The following PTGR2 variants were observed in gnomAD, a reference collection of about 807,000 sequenced individuals.
PTGR2 encodes 15-oxoprostaglandin 13-reductase.
Under a neutral mutation model 43.4 loss-of-function variants are expected in PTGR2, and 32 were observed. That is an observed-to-expected ratio of 0.74 (90% CI 0.56 to 0.99). The LOEUF is 0.99. Among genes scored for constraint, PTGR2 ranks in the 50% least tolerant of loss-of-function variants. The pLI, the probability that PTGR2 is intolerant of heterozygous loss-of-function variation, is 0.00. For missense variants in PTGR2, 373 were observed against 420.0 expected (o/e 0.89, Z 0.98); for synonymous variants, 106 against 139.2 (o/e 0.76, Z 1.68).
At chr14:73,882,503 T>G in intron 9 of PTGR2, 65 bp downstream of exon 9, 2 of 1,114,824 alleles carry the variant, frequency 1.8e-6, no homozygotes, top group Non-Finnish European at 2.7e-6. Context: ...CTCTTTATTT[T>G]TATTTATTTA....
chr14:73,858,881 G>T lies in PTGR2; in HGVS notation c.19G>T (p.Val7Leu). The T allele has an allele frequency of 6.2e-7, 1 of 1,611,730 alleles. No homozygotes were observed. The stretch of plus-strand genomic sequence containing the variant: ...CAGAGCAATGATTGTTCAAAGAGTG[G>T]TATTGAATTCTCGACCTGGTATGTA... Reference protein sequence around the residue: MIVQRVVLNSRPGKNGN... With the variant: MIVQRVLLNSRPGKNGN... The change falls in exon 2 of 10, where the codon GTA becomes TTA. Residue 7 changes from valine to leucine, a missense_variant. By Grantham distance (32) the Val-to-Leu change is conservative. Coordinates refer to ENST00000555661, the MANE Select transcript of PTGR2 (RefSeq NM_001146154.2).
chr14:73,865,478 G>GTTACCTCTGAT (rs1486160515), intron 3 of PTGR2, among the ~76,000 whole-genome samples: 3 of 152,164 alleles, frequency 2.0e-5, no homozygotes, highest in Non-Finnish European at 4.4e-5. Context: ...TCACCTGCTA[G>GTTACCTCTGAT]TTACCTCTGA....
intron 9 of PTGR2, among the ~76,000 whole-genome samples, chr14:73,882,914 G>A (rs998942295): frequency 1.6e-5 from 2 of 128,922 alleles, no homozygotes; most frequent in East Asian, 2.6e-4. Flanking sequence ...TCCACCTCCC[G>A]AGATCAAGCA....
intron 1 of PTGR2, among the ~76,000 whole-genome samples, chr14:73,857,754 C>T (rs981120007): frequency 3.4e-4 from 48 of 139,886 alleles, no homozygotes; most frequent in Middle Eastern, 4.2e-3. Flanking sequence ...CTGCAAGCTC[C>T]GCCTCCCGGG....
At chr14:73,852,853 T>C (rs1380152416) in intron 1 of PTGR2, among the ~76,000 whole-genome samples, 1 of 151,668 alleles carries the variant, frequency 6.6e-6, no homozygotes, top group Non-Finnish European at 1.5e-5. Flanking sequence ...TGAGACAAAG[T>C]CTCGCTCTGT....
At chr14:73,859,653 T>G (rs2054439439) in intron 2 of PTGR2, among the ~76,000 whole-genome samples, 1 of 152,004 alleles carries the variant, frequency 6.6e-6, no homozygotes, top group Non-Finnish European at 1.5e-5. Context: ...CCTCAAATTT[T>G]TTAATTTTCC....
intron 3 of PTGR2, among the ~76,000 whole-genome samples, chr14:73,870,193 C>CTTTTT (rs34746463): frequency 1.6e-5 from 2 of 127,594 alleles, no homozygotes; most frequent in Non-Finnish European, 3.2e-5. Flanking sequence ...CTTAAGCAAC[C>CTTTTT]TTTTTTTTTT....
intron 3 of PTGR2, among the ~76,000 whole-genome samples, chr14:73,864,260 A>G (rs2054555607): frequency 6.6e-6 from 1 of 152,168 alleles, no homozygotes; most frequent in South Asian, 2.1e-4. Context: ...ACATTTGTGT[A>G]TATGTTTTTG....
intron 6 of PTGR2, chr14:73,879,572 G>A (rs2054935894): frequency 1.3e-5 from 5 of 388,496 alleles, no homozygotes; most frequent in African/African-American, 2.1e-5. Flanking sequence ...AAAAATTACA[G>A]TTGCATTGTT....
intron 3 of PTGR2, among the ~76,000 whole-genome samples, chr14:73,865,707 T>C (rs566116189): frequency 6.6e-6 from 1 of 152,104 alleles, no homozygotes; most frequent in East Asian, 1.9e-4. Context: ...CTTCACTCTT[T>C]TGCAAGTGAA....
intron 4 of PTGR2, among the ~76,000 whole-genome samples, chr14:73,874,802 C>T (rs1020820105): frequency 6.6e-6 from 1 of 152,138 alleles, no homozygotes; most frequent in Non-Finnish European, 1.5e-5. Context: ...GATAAAGTCT[C>T]TCAGGTAATA....
At chr14:73,859,560 A>AT (rs1371586002) in intron 2 of PTGR2, among the ~76,000 whole-genome samples, 7 of 151,514 alleles carry the variant, frequency 4.6e-5, no homozygotes, top group Non-Finnish European at 1.0e-4. Context: ...CCTACTTCCT[A>AT]TTTTTTCAGA....
chr14:73,871,400 T>A (rs964302477), intron 3 of PTGR2, among the ~76,000 whole-genome samples: 9 of 149,128 alleles, frequency 6.0e-5, no homozygotes, highest in Non-Finnish European at 7.4e-5. Context: ...TTTTAAAAAA[T>A]TTTTATTATT....
chr14:73,881,303 T>G lies in PTGR2; in HGVS notation c.939+11T>G, dbSNP rs749534196. The G allele has an allele frequency of 6.7e-7, 1 of 1,495,662 alleles. No homozygotes were observed. 92.6% of individuals were successfully genotyped at this position (1,495,662 alleles called of 1,614,324 possible). On this transcript the variant is annotated intron_variant, in intron 8 of 9. Coordinates refer to ENST00000555661, the MANE Select transcript of PTGR2 (RefSeq NM_001146154.2). ...GAAGGAAAGCTAAAGGTAGAACTTC[T>G]ATTCTTTATCAATATAATTCTTCCT...
chr14:73,885,453 T>A lies in PTGR2; in HGVS notation c.*1276T>A, dbSNP rs1271851388. ...CTCGCAGAACAGTAAAACTGAAGAT[T>A]ATTGTTTCTGAATGTTTTGGCTTAT... On this transcript the variant is annotated 3_prime_UTR_variant, in exon 10 of 10. Coordinates refer to ENST00000555661, the MANE Select transcript of PTGR2 (RefSeq NM_001146154.2). 6.6e-6 allele frequency: 1 copy of A among 152,222 alleles called. No homozygotes were observed. Among genetic ancestry groups the A allele is most frequent in the Non-Finnish European group, 1.5e-5 (1 of 68,038 alleles). The allele number at this position is 152,222 out of a possible 1,614,324, so 9.4% of individuals were successfully genotyped here.
chr14:73,879,914 A>G (rs1315701692), intron 6 of PTGR2, 141 bp from the exon 7 acceptor site: 2 of 692,518 alleles, frequency 2.9e-6, no homozygotes, highest in Non-Finnish European at 4.8e-6. Flanking sequence ...AAATTCTTAA[A>G]TACCTCTAAC....
At chr14:73,864,524 G>T (rs1342385911) in intron 3 of PTGR2, among the ~76,000 whole-genome samples, 4 of 152,060 alleles carry the variant, frequency 2.6e-5, no homozygotes, top group African/African-American at 9.7e-5. Context: ...GTTTTCTTTT[G>T]TATTTCCTTA....
At chr14:73,859,865 G>T (rs1224285102) in intron 2 of PTGR2, among the ~76,000 whole-genome samples, 4 of 143,268 alleles carry the variant, frequency 2.8e-5, no homozygotes, top group South Asian at 2.2e-4. Context: ...ACTTGTGCCT[G>T]TTTTTTTTTT....
chr14:73,872,618 C>T (rs1422107183), intron 3 of PTGR2, among the ~76,000 whole-genome samples: 1 of 152,164 alleles, frequency 6.6e-6, no homozygotes, highest in Admixed American at 6.5e-5. Context: ...TTTTGGAATA[C>T]TCACAGAGCT....
Sources: allele counts gnomAD v4.1 joint callset (sites outside exome capture counted in the v4.1 genomes callset), GRCh38; gene constraint gnomAD v4.1.1; transcripts MANE v1.5; gene names NCBI Gene and HGNC (gene_info 2026-07-23, HGNC 2026-07-21).